TNFAIP8: variants seen among roughly 807,000 people sequenced by gnomAD.
TNFAIP8 encodes tumor necrosis factor alpha-induced protein 8.
TNFAIP8 carries 7 observed loss-of-function variants against 13.3 expected under a neutral mutation model. The observed-to-expected ratio is 0.52, with a 90% confidence interval of 0.30 to 0.99. The LOEUF (loss-of-function observed/expected upper bound fraction) is 0.99. Among genes scored for constraint, TNFAIP8 ranks in the 50% least tolerant of loss-of-function variants. The probability of loss-of-function intolerance (pLI) is 0.07; values close to 1 mark genes in which losing one functional copy is unlikely to be tolerated. For missense variants in TNFAIP8, 258 were observed against 236.9 expected, an observed-to-expected ratio of 1.09 and a Z score of -0.58; for synonymous variants, 94 against 87.6, an observed-to-expected ratio of 1.07 and a Z score of -0.41.
At chr5:119,278,083 A>G in intron 1 of TNFAIP8, among the ~76,000 whole-genome samples, 1 of 152,100 alleles carries the variant, frequency 6.6e-6, no homozygotes, top group Non-Finnish European at 1.5e-5. Context: ...AACAATCGGG[A>G]TGTTTTAGAC....
intron 1 of TNFAIP8, among the ~76,000 whole-genome samples, chr5:119,326,247 C>T (rs1445560584): frequency 6.6e-6 from 1 of 152,148 alleles, no homozygotes; most frequent in Non-Finnish European, 1.5e-5. Flanking sequence ...CCTCTTGGAG[C>T]CAAACATGGC....
intron 1 of TNFAIP8, among the ~76,000 whole-genome samples, chr5:119,309,848 A>G (rs1462294772): frequency 6.6e-6 from 1 of 152,246 alleles, no homozygotes; most frequent in Non-Finnish European, 1.5e-5. Flanking sequence ...GGGGCGGACC[A>G]TTACCTGAAT....
chr5:119,388,851 C>A (rs911425893), intron 1 of TNFAIP8, among the ~76,000 whole-genome samples: 6 of 151,324 alleles, frequency 4.0e-5, no homozygotes, highest in Non-Finnish European at 8.8e-5. Context: ...GCTATGTTGC[C>A]CAGGCTGGTC....
chr5:119,314,150 A>G (rs1280361865), intron 1 of TNFAIP8, among the ~76,000 whole-genome samples: 1 of 150,422 alleles, frequency 6.6e-6, no homozygotes, highest in Non-Finnish European at 1.5e-5. Flanking sequence ...CCTAGGCAAT[A>G]TAGCGAGATG....
intron 1 of TNFAIP8, among the ~76,000 whole-genome samples, chr5:119,327,690 C>T (rs548605542): frequency 2.0e-5 from 3 of 152,268 alleles, no homozygotes; most frequent in Admixed American, 6.5e-5. Flanking sequence ...AACTCCTGAC[C>T]TCAGGTGATC....
At chr5:119,375,421 G>T (rs761740720) in intron 1 of TNFAIP8, among the ~76,000 whole-genome samples, 9 of 152,194 alleles carry the variant, frequency 5.9e-5, no homozygotes, top group Non-Finnish European at 1.0e-4. Flanking sequence ...GTATTTTAGA[G>T]AAGAAATTTA....
chr5:119,295,955 G>T (rs1301134053), intron 1 of TNFAIP8, among the ~76,000 whole-genome samples: 1 of 151,022 alleles, frequency 6.6e-6, no homozygotes, highest in Non-Finnish European at 1.5e-5. Context: ...AAGAATGCTT[G>T]TGATTTTTGT....
chr5:119,375,468 T>C (rs1475026667), intron 1 of TNFAIP8, among the ~76,000 whole-genome samples: 1 of 152,242 alleles, frequency 6.6e-6, no homozygotes, highest in African/African-American at 2.4e-5. Context: ...TGATTGGTTG[T>C]GTTATGTTAC....
At chr5:119,287,289 T>TG (rs1554167959) in intron 1 of TNFAIP8, among the ~76,000 whole-genome samples, 94 of 141,916 alleles carry the variant, frequency 6.6e-4, no homozygotes, top group South Asian at 2.3e-3. Context: ...AGTTTTTTTT[T>TG]TTTTTTTTTT....
At chr5:119,370,727 A>AT (rs1360012370) in intron 1 of TNFAIP8, among the ~76,000 whole-genome samples, 1 of 152,230 alleles carries the variant, frequency 6.6e-6, no homozygotes, top group East Asian at 1.9e-4. Context: ...ATGATTTAAA[A>AT]ATATATAAAA....
At chr5:119,284,936 A>G (rs1367462113) in intron 1 of TNFAIP8, among the ~76,000 whole-genome samples, 1 of 152,220 alleles carries the variant, frequency 6.6e-6, no homozygotes, top group Non-Finnish European at 1.5e-5. Flanking sequence ...TGGTGGAGAA[A>G]GAAGTTAAAA....
At chr5:119,293,791 G>T (rs1322509488) in intron 1 of TNFAIP8, among the ~76,000 whole-genome samples, 3 of 152,280 alleles carry the variant, frequency 2.0e-5, no homozygotes. Context: ...ATTGTTGAAG[G>T]TGGGTTACAG....
At chr5:119,301,867 TC>T (rs1288122767) in intron 1 of TNFAIP8, among the ~76,000 whole-genome samples, 1 of 152,132 alleles carries the variant, frequency 6.6e-6, no homozygotes, top group African/African-American at 2.4e-5. Flanking sequence ...CACTATACCT[TC>T]CCTACTCCAA....
chr5:119,316,525 G>A (rs1369217856), intron 1 of TNFAIP8, among the ~76,000 whole-genome samples: 11 of 152,152 alleles, frequency 7.2e-5, no homozygotes, highest in Admixed American at 5.2e-4. Context: ...AGACCCTAGT[G>A]TGGAGAGATA....
chr5:119,317,850 G>A (rs1450961523), intron 1 of TNFAIP8, among the ~76,000 whole-genome samples: 1 of 151,996 alleles, frequency 6.6e-6, no homozygotes, highest in Non-Finnish European at 1.5e-5. Context: ...TGCCCGCCTT[G>A]GCTCCCAAAG....
At chr5:119,330,299 A>C (rs1750337195) in intron 1 of TNFAIP8, among the ~76,000 whole-genome samples, 1 of 152,244 alleles carries the variant, frequency 6.6e-6, no homozygotes, top group Non-Finnish European at 1.5e-5. Context: ...AGACATTTCC[A>C]GTTCTGTCTG....
intron 1 of TNFAIP8, among the ~76,000 whole-genome samples, chr5:119,339,507 T>G (rs952068841): frequency 4.0e-5 from 6 of 149,288 alleles, no homozygotes; most frequent in African/African-American, 1.5e-4. Context: ...ATTTGGTGAC[T>G]GGCTATGGTA....
In TNFAIP8 at chr5:119,393,662, G is replaced by A. The variant is rs1228554876; in HGVS notation, c.*281G>A. The A allele has an allele frequency of 1.6e-5, 6 of 372,074 alleles. No homozygotes were observed. Among genetic ancestry groups the A allele is most frequent in the African/African-American group, 2.0e-5 (1 of 48,852 alleles). The allele number at this position is 372,074 out of a possible 1,614,324, so 23.0% of individuals were successfully genotyped here. A position where few individuals can be genotyped will look rare whatever the true frequency, so the allele number is the denominator to read the frequency against. On this transcript the variant is annotated 3_prime_UTR_variant, in exon 2 of 2. Coordinates refer to ENST00000504771, the MANE Select transcript of TNFAIP8 (RefSeq NM_014350.4). Reference sequence around the variant, plus strand: ...TAGTTATACAAAGAAAAATACAGATGTCTCCAGACCTGAGGACTTTTTAAT... The same window carrying A: ...TAGTTATACAAAGAAAAATACAGATATCTCCAGACCTGAGGACTTTTTAAT...
Position 119,364,478 on chromosome 5 carries a change from G to C in TNFAIP8, c.31+8357G>C, listed in dbSNP as rs138404878. Among the ~76,000 whole-genome samples the C allele has an allele frequency of 7.1e-3, 1,083 of 152,088 alleles. 19 individuals carry two copies. The highest frequency in any genetic ancestry group is 0.025 in the African/African-American group (1,034 of 41,482). ...TCTTCCTACCTTACCCTGCCAAGTA[G>C]CTGGGACTACAGGTGCATACCACCT... On this transcript the variant is annotated intron_variant, in intron 1 of 1. Transcript: ENST00000504771.
Sources: gnomAD v4.1 joint callset for allele counts (sites outside exome capture counted in the v4.1 genomes callset) on GRCh38, gnomAD v4.1.1 for gene constraint, MANE v1.5 for transcripts, NCBI Gene and HGNC (gene_info 2026-07-23, HGNC 2026-07-21) for gene names.